The following TRIO variants were observed in gnomAD, a reference collection of about 807,000 sequenced individuals.
TRIO encodes the protein triple functional domain protein.
A neutral mutation model predicts 351.9 loss-of-function variants in TRIO; 58 were observed. That is an observed-to-expected ratio of 0.16 (90% CI 0.13 to 0.21). The LOEUF is 0.21. Among genes scored for constraint, TRIO ranks in the 10% least tolerant of loss-of-function variants. TRIO has a pLI of 1.00. For synonymous variants in TRIO, 1,758 were observed against 1,595.7 expected, an observed-to-expected ratio of 1.10 and a Z score of -2.42; for missense variants, 3,201 against 4,027.8, an observed-to-expected ratio of 0.79 and a Z score of 5.56.
intron 1 of TRIO, among the ~76,000 whole-genome samples, chr5:14,230,101 G>T (rs1347140767): frequency 1.3e-5 from 2 of 152,140 alleles, no homozygotes; most frequent in Non-Finnish European, 2.9e-5. Flanking sequence ...GGTCCTATTG[G>T]CAACTCATAT....
chr5:14,172,922 A>G (rs1789184737), intron 1 of TRIO, among the ~76,000 whole-genome samples: 1 of 152,234 alleles, frequency 6.6e-6, no homozygotes, highest in Admixed American at 6.5e-5. Flanking sequence ...GGGCTGTGAA[A>G]GATCAGCGGT....
intron 8 of TRIO, among the ~76,000 whole-genome samples, chr5:14,305,973 GC>G (rs1662338612): frequency 6.6e-6 from 1 of 152,354 alleles, no homozygotes; most frequent in Admixed American, 6.5e-5. Context: ...GTAGCCTGGA[GC>G]AGTGGGCTGC....
At chr5:14,210,733 G>A (rs1791837400) in intron 1 of TRIO, among the ~76,000 whole-genome samples, 1 of 152,140 alleles carries the variant, frequency 6.6e-6, no homozygotes. Context: ...TATTGTAGCG[G>A]TATGTTTTTA....
chr5:14,173,899 G>C lies in TRIO; in HGVS notation c.157+30017G>C, dbSNP rs146223368. 3.0e-4 allele frequency among the ~76,000 whole-genome samples: 45 copies of C among 152,332 alleles called. 1 individual carries two copies. The East Asian group carries it at 8.5e-3, about 29-fold the overall frequency. ...CTGTAGTAGTTTGTATAAATGTAGA[G>C]CCACATGCTGTCTGTATGTCTTGGC... On this transcript the variant is annotated intron_variant, in intron 1 of 56. Coordinates refer to ENST00000344204, the MANE Select transcript of TRIO (RefSeq NM_007118.4).
intron 7 of TRIO, among the ~76,000 whole-genome samples, chr5:14,298,510 A>G (rs1171992425): frequency 6.6e-6 from 1 of 152,206 alleles, no homozygotes; most frequent in Non-Finnish European, 1.5e-5. Flanking sequence ...ATTTGCACGG[A>G]TGCTTCTTAA....
chr5:14,253,775 C>A (rs1356875076), intron 1 of TRIO, among the ~76,000 whole-genome samples: 1 of 152,218 alleles, frequency 6.6e-6, no homozygotes. Flanking sequence ...ACTATTTTCA[C>A]AACAGGGAAA....
At chr5:14,204,023 C>T (rs554820780) in intron 1 of TRIO, among the ~76,000 whole-genome samples, 57 of 152,294 alleles carry the variant, frequency 3.7e-4, no homozygotes, top group African/African-American at 1.3e-3. Context: ...CTGCTCTTTT[C>T]AGGATCCTGA....
intron 11 of TRIO, among the ~76,000 whole-genome samples, chr5:14,351,727 G>C (rs941551255): frequency 6.6e-6 from 1 of 152,214 alleles, no homozygotes; most frequent in Admixed American, 6.5e-5. Flanking sequence ...CCCAGGAGAT[G>C]TGTTGGGCCC....
chr5:14,507,981 G>C lies in TRIO; in HGVS notation c.8853G>C (p.Gln2951His), dbSNP rs142452362. The C allele has an allele frequency of 1.3e-5, 21 of 1,614,130 alleles. No homozygotes were observed. Among genetic ancestry groups the C allele is most frequent in the Non-Finnish European group, 1.7e-5 (20 of 1,180,044 alleles). Residue 2951 changes from glutamine (Q) to histidine (H), a missense_variant, in exon 57 of 57, where the codon CAG becomes CAC. This residue lies in a region of TRIO where 233 missense variants were observed against 292.6 expected (regional missense o/e 0.80). Transcript: ENST00000344204. Reference sequence around the variant, plus strand: ...TCAACACGACCTACTACATCCACCAGTTACTGGGGAACCCTGAATTCGCAG... The same window carrying C: ...TCAACACGACCTACTACATCCACCACTTACTGGGGAACCCTGAATTCGCAG... The part of the protein sequence containing the change: ...VQLNTTYYIH[Q>H]LLGNPEFAAP...
At chr5:14,198,631 G>A (rs1441613007) in intron 1 of TRIO, among the ~76,000 whole-genome samples, 3 of 151,888 alleles carry the variant, frequency 2.0e-5, no homozygotes, top group Non-Finnish European at 2.9e-5. Flanking sequence ...TGTACTGTAA[G>A]GTGTGAGGGC....
Position 14,484,255 on chromosome 5 carries a change from C to T in TRIO, c.6658-814C>T, listed in dbSNP as rs570290695. Among the ~76,000 whole-genome samples the T allele has an allele frequency of 7.9e-5, 12 of 152,278 alleles. No individual in the cohort carries two copies. In the South Asian group the frequency reaches 8.3e-4, roughly 11 times the overall value. Reference sequence around the variant, plus strand: ...TTGACATATTTTAATCATGATATCACATACAATTTTATAACATAGGTTTTA... The same window carrying T: ...TTGACATATTTTAATCATGATATCATATACAATTTTATAACATAGGTTTTA... On this transcript the variant is annotated intron_variant, in intron 46 of 56. Transcript: ENST00000344204.
At chr5:14,502,792 C>T (rs1175553946) in intron 54 of TRIO, 135 bp downstream of exon 54, 1 of 847,972 alleles carries the variant, frequency 1.2e-6, no homozygotes, top group African/African-American at 1.7e-5. Context: ...TGAATCGTAA[C>T]TCTCATTGCC....
intron 1 of TRIO, among the ~76,000 whole-genome samples, chr5:14,269,520 C>A (rs540463185): frequency 6.6e-6 from 1 of 152,310 alleles, no homozygotes; most frequent in African/African-American, 2.4e-5. Context: ...TTGGAATTCA[C>A]CTGGTTTTTG....
chr5:14,423,982 A>G (rs780658013), intron 34 of TRIO, among the ~76,000 whole-genome samples: 2 of 145,354 alleles, frequency 1.4e-5, no homozygotes, highest in African/African-American at 2.6e-5. Context: ...GTTTGAGACT[A>G]CAGTGAGCTA....
chr5:14,444,535 C>CT (rs1284059043), intron 34 of TRIO, among the ~76,000 whole-genome samples: 5 of 152,178 alleles, frequency 3.3e-5, no homozygotes. Flanking sequence ...CCTGTGTGAT[C>CT]TTATAAGTTC....
intron 1 of TRIO, among the ~76,000 whole-genome samples, chr5:14,206,861 A>G (rs2152183706): frequency 6.6e-6 from 1 of 152,236 alleles, no homozygotes; most frequent in East Asian, 1.9e-4. Flanking sequence ...TTGTTTGTGT[A>G]CCTGTAACTC....
intron 2 of TRIO, among the ~76,000 whole-genome samples, chr5:14,274,266 G>A (rs1390072932): frequency 6.6e-6 from 1 of 152,200 alleles, no homozygotes; most frequent in Non-Finnish European, 1.5e-5. Flanking sequence ...GTGTCTTCCT[G>A]TGGATTTTCC....
At chr5:14,260,149 A>G (rs946782423) in intron 1 of TRIO, among the ~76,000 whole-genome samples, 3 of 152,196 alleles carry the variant, frequency 2.0e-5, no homozygotes, top group African/African-American at 4.8e-5. Context: ...AGCGTTTCCA[A>G]CCCTTTCAGA....
chr5:14,372,177 G>C (rs1745169387), intron 18 of TRIO, among the ~76,000 whole-genome samples: 1 of 148,624 alleles, frequency 6.7e-6, no homozygotes, highest in African/African-American at 2.5e-5. Flanking sequence ...TTTTTGTTAG[G>C]TTGTGAGCCT....
Sources: gnomAD v4.1 joint callset for allele counts (sites outside exome capture counted in the v4.1 genomes callset) on GRCh38, gnomAD v4.1.1 for gene constraint, gnomAD v4.1.1 regional missense constraint, MANE v1.5 for transcripts, NCBI Gene and HGNC (gene_info 2026-07-23, HGNC 2026-07-21) for gene names.